Variants in PTPRD observed in about 807,000 individuals in gnomAD.
PTPRD encodes the protein receptor-type tyrosine-protein phosphatase delta.
Under a neutral mutation model 214.5 loss-of-function variants are expected in PTPRD, and 34 were observed. The observed-to-expected ratio is 0.16, with a 90% CI of 0.12 to 0.21. PTPRD has a LOEUF of 0.21. Ranked by LOEUF, PTPRD falls within the 10% of genes least tolerant of loss-of-function variation. The pLI, the probability that PTPRD is intolerant of heterozygous loss-of-function variation, is 1.00. For missense variants in PTPRD, 2,545 were observed against 2,398.7 expected (o/e 1.06, Z -1.27); for synonymous variants, 1,128 against 845.7 (o/e 1.33, Z -5.79).
chr9:9,366,658 C>T (rs4740976), intron 9 of PTPRD, among the ~76,000 whole-genome samples: 26,934 of 151,220 alleles, frequency 0.18, 2,672 homozygotes, highest in East Asian at 0.34. Flanking sequence ...ATCATCATAC[C>T]AGTTACATTT....
intron 8 of PTPRD, among the ~76,000 whole-genome samples, chr9:9,501,805 T>C (rs1040663613): frequency 3.3e-5 from 5 of 151,872 alleles, no homozygotes; most frequent in African/African-American, 1.2e-4. Context: ...AATTTTAGAC[T>C]ACCAGTGAGT....
At chr9:10,075,768 T>C (rs2098122824) in intron 3 of PTPRD, among the ~76,000 whole-genome samples, 1 of 152,084 alleles carries the variant, frequency 6.6e-6, no homozygotes, top group African/African-American at 2.4e-5. Flanking sequence ...AAATTGAAGC[T>C]TTAGAGTCTA....
chr9:9,531,962 T>C (rs112116493), intron 8 of PTPRD, among the ~76,000 whole-genome samples: 3,257 of 151,842 alleles, frequency 0.021, 114 homozygotes, highest in African/African-American at 0.075. Flanking sequence ...ATATTATATA[T>C]ATATTTAGAA....
chr9:9,748,229 C>G (rs907645945), intron 6 of PTPRD, among the ~76,000 whole-genome samples: 13 of 152,122 alleles, frequency 8.5e-5, no homozygotes, highest in African/African-American at 2.7e-4. Flanking sequence ...CTTTTATTTA[C>G]TTTTTATTAC....
chr9:9,722,228 C>T lies in PTPRD; in HGVS notation c.-287+12305G>A, dbSNP rs370365119. On this transcript the variant is annotated intron_variant, in intron 7 of 45. Coordinates refer to ENST00000381196, the MANE Select transcript of PTPRD (RefSeq NM_002839.4). The stretch of plus-strand genomic sequence containing the variant: ...TCCCCAAAAGAAATCCTATACTTAT[C>T]AGCAGACAGCCTCTTCTTCTTCCTC... Among the ~76,000 whole-genome samples, 266 of 152,112 alleles carry T rather than the reference C, an allele frequency of 1.7e-3. 1 individual carries two copies. Among genetic ancestry groups the T allele is most frequent in the African/African-American group, 6.0e-3 (249 of 41,542 alleles).
chr9:9,294,069 G>A (rs1952152128), intron 9 of PTPRD, among the ~76,000 whole-genome samples: 1 of 151,600 alleles, frequency 6.6e-6, no homozygotes, highest in Admixed American at 6.6e-5. Flanking sequence ...TAAGAAGGCT[G>A]TTAAGTGACT....
At chr9:8,759,913 T>C (rs1054455507) in intron 11 of PTPRD, among the ~76,000 whole-genome samples, 9 of 152,232 alleles carry the variant, frequency 5.9e-5, no homozygotes, top group African/African-American at 1.7e-4. Context: ...TACTATCCTC[T>C]AACTGACAGG....
At chr9:8,331,479 C>G (rs1434464156) in intron 44 of PTPRD, 103 bp downstream of exon 44, 7 of 1,343,050 alleles carry the variant, frequency 5.2e-6, no homozygotes, top group Non-Finnish European at 7.1e-6. Flanking sequence ...AATACATTGC[C>G]AAGAATAAAA....
Position 8,549,058 on chromosome 9 carries a change from C to A in PTPRD, c.353-20279G>T, listed in dbSNP as rs185391117. On this transcript the variant is annotated intron_variant, in intron 14 of 45. Coordinates refer to ENST00000381196, the MANE Select transcript of PTPRD (RefSeq NM_002839.4). ...TCACATTCTAAAAAGCAATCTCTGT[C>A]AAGGGAGTGCAGTGAAGGGGGACAA... is the stretch of plus-strand genomic sequence containing the variant. Among the ~76,000 whole-genome samples, 8 of 152,138 alleles carry A rather than the reference C, an allele frequency of 5.3e-5. No individual in the cohort carries two copies. In the East Asian group the frequency reaches 1.5e-3, roughly 29 times the overall value.
intron 8 of PTPRD, among the ~76,000 whole-genome samples, chr9:9,461,277 A>G (rs1275271961): frequency 6.6e-6 from 1 of 152,050 alleles, no homozygotes; most frequent in African/African-American, 2.4e-5. Flanking sequence ...CCAGCATTAC[A>G]CAATATACCC....
At chr9:9,869,666 C>T (rs1473973488) in intron 5 of PTPRD, among the ~76,000 whole-genome samples, 1 of 151,468 alleles carries the variant, frequency 6.6e-6, no homozygotes, top group Admixed American at 6.6e-5. Context: ...AAACATAAAA[C>T]CTGGGTGAAT....
At chr9:8,907,517 C>CAA (rs60277757) in intron 11 of PTPRD, among the ~76,000 whole-genome samples, 1,095 of 79,016 alleles carry the variant, frequency 0.014, 27 homozygotes, top group African/African-American at 0.038. Flanking sequence ...GACTCCGTCT[C>CAA]AAAAAAAAAA....
rs77795146 is a variant in PTPRD, at chr9:8,579,567, G to A, written c.353-50788C>T. Among the ~76,000 whole-genome samples the A allele has an allele frequency of 1.5e-4, 23 of 152,276 alleles. No individual in the cohort carries two copies. The East Asian group carries it at 4.4e-3, about 29-fold the overall frequency. ...AAAGTATAAAAAACCCACAGTGCCT[G>A]TCATAAAAGAAGTCACATTCTAGGG... On this transcript the variant is annotated intron_variant, in intron 14 of 45. Transcript: ENST00000381196.
At position 8,518,323 on chromosome 9, in the gene PTPRD, A is replaced by G; in HGVS notation, c.1068T>C (p.Ile356=). ...GNPEPVSYYI[I]QHKPKNSEEL... The stretch of plus-strand genomic sequence containing the variant: ...CCTCAGAGTTTTTAGGTTTATGCTG[A>G]ATTATGTAATAAGAAACAGGCTCAG... The change falls in exon 21 of 46, where the codon ATT becomes ATC. Residue 356 remains isoleucine (I), a synonymous_variant. Transcript: ENST00000381196. 1 of 1,614,136 alleles carries G rather than the reference A, an allele frequency of 6.2e-7. No homozygotes were observed. The highest frequency in any genetic ancestry group is 8.5e-7 in the Non-Finnish European group (1 of 1,180,012).
intron 34 of PTPRD, among the ~76,000 whole-genome samples, chr9:8,447,023 G>T (rs1454061601): frequency 2.0e-5 from 3 of 152,180 alleles, no homozygotes. Context: ...TTGTAAAATG[G>T]TAAAAATGTT....
intron 10 of PTPRD, among the ~76,000 whole-genome samples, chr9:9,096,497 C>T (rs1423042786): frequency 6.6e-6 from 1 of 152,120 alleles, no homozygotes; most frequent in African/African-American, 2.4e-5. Flanking sequence ...TGTTCCATGA[C>T]TCTTTTTACA....
intron 34 of PTPRD, among the ~76,000 whole-genome samples, chr9:8,444,886 C>G (rs1299257544): frequency 6.6e-6 from 1 of 152,172 alleles, no homozygotes; most frequent in Admixed American, 6.5e-5. Context: ...AGCAACATAT[C>G]TATTCACCCA....
At chr9:8,482,281 CAAT>C (rs35738869) in intron 30 of PTPRD, among the ~76,000 whole-genome samples, 48,715 of 151,766 alleles carry the variant, frequency 0.32, 7,921 homozygotes, top group African/African-American at 0.39. Flanking sequence ...AAGCAGCTAC[CAAT>C]AATGTATGCT....
intron 14 of PTPRD, among the ~76,000 whole-genome samples, chr9:8,548,596 G>A (rs1239403260): frequency 6.7e-6 from 1 of 149,486 alleles, no homozygotes; most frequent in Admixed American, 6.7e-5. Flanking sequence ...TCGAACTCCT[G>A]ACCTCAAGTG....
Sources: gnomAD v4.1 joint callset for allele counts (sites outside exome capture counted in the v4.1 genomes callset) on GRCh38, gnomAD v4.1.1 for gene constraint, MANE v1.5 for transcripts, NCBI Gene and HGNC (gene_info 2026-07-23, HGNC 2026-07-21) for gene names.